Variants in LRRC37A2 observed in about 807,000 individuals in gnomAD.
LRRC37A2 encodes leucine rich repeat containing 37 member A2.
In LRRC37A2, 9 loss-of-function variants were observed where a neutral mutation model predicts 68.8. That is an observed-to-expected ratio of 0.13 (90% confidence interval 0.08 to 0.23). The LOEUF is 0.23. LRRC37A2 is among the 10% of genes least tolerant of loss of function. The pLI, the probability that LRRC37A2 is intolerant of heterozygous loss-of-function variation, is 1.00. For synonymous variants in LRRC37A2, 63 were observed against 367.6 expected (o/e 0.17, Z 9.48); for missense variants, 168 against 950.4 (o/e 0.18, Z 10.82).
the LRRC37A2 span, among the ~76,000 whole-genome samples, chr17:46,898,442 G>A: frequency 6.6e-6 from 1 of 152,186 alleles, no homozygotes; most frequent in African/African-American, 2.4e-5. Context: ...CCAGGAAGAG[G>A]GCTGCTCAGC....
At chr17:46,921,532 A>C in the LRRC37A2 span, among the ~76,000 whole-genome samples, 4,653 of 152,350 alleles carry the variant, frequency 0.031, 108 homozygotes, top group Non-Finnish European at 0.038. Flanking sequence ...AACTACCATC[A>C]GAGTGAACAG....
At chr17:46,956,247 G>A in the LRRC37A2 span, among the ~76,000 whole-genome samples, 207 of 145,578 alleles carry the variant, frequency 1.4e-3, no homozygotes, top group Non-Finnish European at 2.7e-3. Flanking sequence ...ATCTCTACCC[G>A]CCTAAGGCCA....
At chr17:46,900,162 CATATACATATATATATATAT>C in the LRRC37A2 span, among the ~76,000 whole-genome samples, 30 of 101,142 alleles carry the variant, frequency 3.0e-4, 1 homozygote, top group African/African-American at 8.7e-4. Flanking sequence ...TATATATATA[CATATACATATATATATATAT>C]ATATATATAT....
chr17:46,916,046 G>A, the LRRC37A2 span, among the ~76,000 whole-genome samples: 4 of 152,176 alleles, frequency 2.6e-5, no homozygotes, highest in Non-Finnish European at 5.9e-5. Context: ...ACAATAATGA[G>A]AGTGGATGCA....
the LRRC37A2 span, among the ~76,000 whole-genome samples, chr17:46,694,176 G>A: frequency 7.4e-6 from 1 of 135,142 alleles, no homozygotes; most frequent in Non-Finnish European, 1.5e-5. Context: ...CTTGAGGCCA[G>A]TTGTTCGAGA....
At chr17:46,711,764 G>A in the LRRC37A2 span, among the ~76,000 whole-genome samples, 1 of 152,262 alleles carries the variant, frequency 6.6e-6, no homozygotes, top group South Asian at 2.1e-4. Flanking sequence ...ACCTCTAAAG[G>A]TCTGGGGGAT....
At chr17:46,808,077 G>A in the LRRC37A2 span, among the ~76,000 whole-genome samples, 3 of 152,234 alleles carry the variant, frequency 2.0e-5, no homozygotes, top group Non-Finnish European at 4.4e-5. Context: ...AAAGGACTAA[G>A]TAGAAGGAAA....
the LRRC37A2 span, among the ~76,000 whole-genome samples, chr17:46,864,652 T>A: frequency 6.6e-6 from 1 of 152,106 alleles, no homozygotes; most frequent in African/African-American, 2.4e-5. Flanking sequence ...TCCACCACCT[T>A]AGATGCTTGC....
the LRRC37A2 span, among the ~76,000 whole-genome samples, chr17:46,835,304 C>T: frequency 3.3e-5 from 5 of 152,072 alleles, no homozygotes; most frequent in Non-Finnish European, 2.9e-5. Context: ...CTCCGCCTCC[C>T]GGGTTCACGC....
chr17:46,801,098 T>G, the LRRC37A2 span, among the ~76,000 whole-genome samples: 2 of 152,172 alleles, frequency 1.3e-5, no homozygotes, highest in Non-Finnish European at 2.9e-5. Context: ...ACAATAGCCC[T>G]CGTTATCCCC....
At chr17:46,746,220 A>C in the LRRC37A2 span, among the ~76,000 whole-genome samples, 1 of 152,224 alleles carries the variant, frequency 6.6e-6, no homozygotes, top group Non-Finnish European at 1.5e-5. Context: ...AATAATAATA[A>C]TGATTACCCT....
chr17:46,839,998 T>C, the LRRC37A2 span, among the ~76,000 whole-genome samples: 2 of 63,196 alleles, frequency 3.2e-5, no homozygotes, highest in Non-Finnish European at 5.7e-5. Context: ...TCTTTTTTCT[T>C]TCTTCTTTCT....
the LRRC37A2 span, among the ~76,000 whole-genome samples, chr17:46,855,451 C>T: frequency 6.6e-6 from 1 of 152,194 alleles, no homozygotes; most frequent in Non-Finnish European, 1.5e-5. Flanking sequence ...CTCTGGGACA[C>T]TCTCTGTGTT....
At chr17:46,778,635 C>T in the LRRC37A2 span, among the ~76,000 whole-genome samples, 1 of 152,172 alleles carries the variant, frequency 6.6e-6, no homozygotes, top group East Asian at 1.9e-4. Flanking sequence ...CGTTCCACTT[C>T]GGGAGGCGGC....
At chr17:46,945,812 C>T in the LRRC37A2 span, among the ~76,000 whole-genome samples, 18 of 152,270 alleles carry the variant, frequency 1.2e-4, no homozygotes, top group Middle Eastern at 3.4e-3. Flanking sequence ...CACTGCTGCC[C>T]CCAGGACCTC....
the LRRC37A2 span, chr17:46,940,415 ATCTG>A: frequency 1.3e-6 from 2 of 1,591,796 alleles, no homozygotes; most frequent in Non-Finnish European, 1.7e-6. Context: ...TTAGACCTAG[ATCTG>A]TCTAACTCTG....
At chr17:46,960,439 T>C in the LRRC37A2 span, among the ~76,000 whole-genome samples, 1 of 152,166 alleles carries the variant, frequency 6.6e-6, no homozygotes, top group African/African-American at 2.4e-5. Flanking sequence ...TGAAAAACAG[T>C]TTGGCAGTGT....
the LRRC37A2 span, among the ~76,000 whole-genome samples, chr17:46,813,108 CTT>C: frequency 6.6e-6 from 1 of 151,960 alleles, no homozygotes; most frequent in East Asian, 1.9e-4. Context: ...GCAGCCAGCT[CTT>C]TGCGATTTAG....
the LRRC37A2 span, among the ~76,000 whole-genome samples, chr17:46,746,626 T>C: frequency 3.9e-5 from 6 of 152,164 alleles, no homozygotes; most frequent in East Asian, 7.7e-4. Context: ...TTAAAACTTA[T>C]TCCTTTTTCA....
Sources: allele counts gnomAD v4.1 joint callset (sites outside exome capture counted in the v4.1 genomes callset), GRCh38; gene constraint gnomAD v4.1.1; transcripts MANE v1.5; gene names NCBI Gene and HGNC (gene_info 2026-07-23, HGNC 2026-07-21).